Variants in HS1BP3 observed in about 807,000 individuals in gnomAD.
HS1BP3 encodes HCLS1-binding protein 3.
In HS1BP3, 32 loss-of-function variants were observed where a neutral mutation model predicts 33.5. That is an observed-to-expected ratio of 0.95 (90% CI 0.72 to 1.28). HS1BP3 has a LOEUF of 1.28. Among genes scored for constraint, HS1BP3 ranks in the 50% most tolerant of loss-of-function variants. The pLI is 0.00. For missense variants in HS1BP3, 486 were observed against 502.3 expected (o/e 0.97, Z 0.31); for synonymous variants, 187 against 209.2 (o/e 0.89, Z 0.92).
intron 2 of HS1BP3, among the ~76,000 whole-genome samples, chr2:20,607,791 C>T (rs1478541371): frequency 6.6e-6 from 1 of 152,184 alleles, no homozygotes; most frequent in Non-Finnish European, 1.5e-5. Flanking sequence ...GTAAAAACAT[C>T]ACATTGGGAT....
chr2:20,582,497 G>A (rs1166897149), intron 5 of HS1BP3, among the ~76,000 whole-genome samples: 1 of 152,138 alleles, frequency 6.6e-6, no homozygotes, highest in Non-Finnish European at 1.5e-5. Flanking sequence ...CCCTGCAGAT[G>A]TCTGGTGTGG....
chr2:20,594,005 A>T (rs1469357212), intron 3 of HS1BP3, among the ~76,000 whole-genome samples: 1 of 152,212 alleles, frequency 6.6e-6, no homozygotes, highest in Non-Finnish European at 1.5e-5. Context: ...TCTGCTGCTG[A>T]TGGGCTCTGT....
chr2:20,626,055 T>A (rs1437484486), intron 4 of HS1BP3, among the ~76,000 whole-genome samples: 1 of 151,846 alleles, frequency 6.6e-6, no homozygotes, highest in Non-Finnish European at 1.5e-5. Context: ...TGGACTGAGG[T>A]CACTATGTGA....
intron 2 of HS1BP3, among the ~76,000 whole-genome samples, chr2:20,644,961 T>G (rs1265118652): frequency 6.6e-6 from 1 of 152,156 alleles, no homozygotes; most frequent in Non-Finnish European, 1.5e-5. Context: ...GCTTAGGATG[T>G]GTTGTCTGCC....
intron 1 of HS1BP3, among the ~76,000 whole-genome samples, chr2:20,645,872 A>C (rs1311623188): frequency 6.6e-6 from 1 of 152,240 alleles, no homozygotes; most frequent in African/African-American, 2.4e-5. Flanking sequence ...CTGGGGCTGC[A>C]GGGACAGCAA....
At chr2:20,568,233 G>A (rs915850609) in intron 5 of HS1BP3, among the ~76,000 whole-genome samples, 1 of 152,200 alleles carries the variant, frequency 6.6e-6, no homozygotes, top group Non-Finnish European at 1.5e-5. Context: ...GTAGGGGGCT[G>A]CAGTCTCACA....
chr2:20,640,566 G>A (rs1035403644), intron 3 of HS1BP3: 5 of 447,368 alleles, frequency 1.1e-5, no homozygotes, highest in African/African-American at 5.8e-5. Flanking sequence ...CAGGCTGTGA[G>A]AACACAGCTT....
chr2:20,624,196 T>C (rs1649789720), intron 5 of HS1BP3, among the ~76,000 whole-genome samples, 165 bp from the exon 6 acceptor site: 1 of 152,142 alleles, frequency 6.6e-6, no homozygotes, highest in African/African-American at 2.4e-5. Flanking sequence ...TGTCAGGCAA[T>C]GACCTGTCTC....
chr2:20,555,949 C>T (rs957047199), downstream of HS1BP3, among the ~76,000 whole-genome samples: 1 of 152,294 alleles, frequency 6.6e-6, no homozygotes, highest in African/African-American at 2.4e-5. Context: ...TCAGTTCTTC[C>T]TCTGTAAGAC....
intron 6 of HS1BP3, chr2:20,622,452 A>C: frequency 3.6e-6 from 2 of 550,322 alleles, no homozygotes; most frequent in Non-Finnish European, 6.2e-6. Context: ...AAGGGGCACC[A>C]CAGAGTGGGG....
chr2:20,622,233 G>A (rs1246207962), intron 6 of HS1BP3: 1 of 1,301,982 alleles, frequency 7.7e-7, no homozygotes, highest in African/African-American at 1.5e-5. Context: ...ACTACTCCCT[G>A]GATAGTCACA....
intron 6 of HS1BP3, chr2:20,622,067 ACAGCCAGAAGGAACAAAG>A: frequency 1.6e-6 from 1 of 615,934 alleles, no homozygotes; most frequent in Non-Finnish European, 2.3e-6. Flanking sequence ...GTGTGGCTGC[ACAGCCAGAAGGAACAAAG>A]CCTTCTTAGC....
chr2:20,582,718 A>G (rs979239467), intron 5 of HS1BP3, among the ~76,000 whole-genome samples: 1 of 152,096 alleles, frequency 6.6e-6, no homozygotes, highest in Non-Finnish European at 1.5e-5. Context: ...GTATGTCCCA[A>G]CTGAGGGACA....
chr2:20,583,593 C>A (rs904521846), intron 5 of HS1BP3, among the ~76,000 whole-genome samples: 1 of 152,206 alleles, frequency 6.6e-6, no homozygotes, highest in Non-Finnish European at 1.5e-5. Flanking sequence ...AAGGGGCCAG[C>A]GGGTCAAGCC....
downstream of HS1BP3, among the ~76,000 whole-genome samples, chr2:20,558,321 G>A (rs73235133): frequency 0.04 from 6,145 of 152,252 alleles, 406 homozygotes; most frequent in African/African-American, 0.14. Context: ...CACCTACTTG[G>A]CTTCCAGGGA....
At chr2:20,617,192 G>A (rs56905664), downstream of HS1BP3, among the ~76,000 whole-genome samples, 35,582 of 152,066 alleles carry the variant, frequency 0.23, 4,924 homozygotes, top group Non-Finnish European at 0.32. Flanking sequence ...AGGAGAGCTG[G>A]AGCCACCTCT....
intron 5 of HS1BP3, among the ~76,000 whole-genome samples, chr2:20,580,697 G>A (rs1390534538): frequency 6.6e-6 from 1 of 152,132 alleles, no homozygotes; most frequent in Non-Finnish European, 1.5e-5. Flanking sequence ...TTAAAACAGT[G>A]AGATTCTCCT....
chr2:20,587,525 G>T (rs1693711021), intron 5 of HS1BP3, among the ~76,000 whole-genome samples: 1 of 152,164 alleles, frequency 6.6e-6, no homozygotes, highest in Non-Finnish European at 1.5e-5. Flanking sequence ...CGGGGAGAGG[G>T]CAAGAGAGCA....
intron 1 of HS1BP3, among the ~76,000 whole-genome samples, chr2:20,647,816 T>C (rs1432929463): frequency 1.3e-5 from 2 of 152,188 alleles, no homozygotes; most frequent in South Asian, 2.1e-4. Flanking sequence ...CCAACTGTAA[T>C]GTGCGTGCAA....
Sources: allele counts gnomAD v4.1 joint callset (sites outside exome capture counted in the v4.1 genomes callset), GRCh38; gene constraint gnomAD v4.1.1; transcripts MANE v1.5; gene names NCBI Gene and HGNC (gene_info 2026-07-23, HGNC 2026-07-21).